Variants in LYZL6 observed in about 807,000 individuals in gnomAD.
The protein encoded by LYZL6 is lysozyme like 6, also known as lysozyme-like protein 6.
A neutral mutation model predicts 15.0 loss-of-function variants in LYZL6; 21 were observed. The observed-to-expected ratio is 1.40, with a 90% confidence interval of 1.00 to 2.02. The LOEUF (loss-of-function observed/expected upper bound fraction) is 2.02, where lower values mean the gene tolerates loss of function less well. Among genes scored for constraint, LYZL6 ranks in the 30% most tolerant of loss-of-function variants. The pLI is 0.00. For missense variants in LYZL6, 173 were observed against 180.5 expected, an observed-to-expected ratio of 0.96 and a Z score of 0.24; for synonymous variants, 72 against 67.8, an observed-to-expected ratio of 1.06 and a Z score of -0.31.
Position 35,934,830 on chromosome 17 carries a change from A to C in LYZL6, c.413T>G (p.Leu138Arg). ...GCGGCATCCTGTCAGCCAGTAGAAGAGTGGCCGGCCTGAACAGTGCAACCT... is the reference window on the plus strand; with the variant it reads ...GCGGCATCCTGTCAGCCAGTAGAAGCGTGGCCGGCCTGAACAGTGCAACCT... Reference protein sequence around the residue: ...EWRLHCSGRPLFYWLTGCRLR With the variant: ...EWRLHCSGRPRFYWLTGCRLR The change falls in exon 5 of 5, where the codon CTC (leucine) becomes CGC (arginine). Residue 138 changes from leucine to arginine, a missense_variant. Transcript: ENST00000615905. The C allele has an allele frequency of 1.2e-6, 2 of 1,614,208 alleles. No homozygotes were observed. Among genetic ancestry groups the C allele is most frequent in the Non-Finnish European group, 8.5e-7 (1 of 1,180,034 alleles).
intron 4 of LYZL6, 26 bp downstream of exon 4, chr17:35,936,729 G>T (rs574798807): frequency 3.7e-6 from 6 of 1,605,904 alleles, no homozygotes; most frequent in Non-Finnish European, 5.1e-6. Flanking sequence ...GGCTCTGCCC[G>T]CTGAGTCCCA....
At chr17:35,940,680 C>T (rs1230614939) in intron 1 of LYZL6, among the ~76,000 whole-genome samples, 1 of 152,174 alleles carries the variant, frequency 6.6e-6, no homozygotes, top group Non-Finnish European at 1.5e-5. Flanking sequence ...CATCCCCCAC[C>T]TCCCAACCCC....
chr17:35,939,425 T>C lies in LYZL6; in HGVS notation c.-69A>G. On this transcript the variant is annotated 5_prime_UTR_variant, in exon 2 of 5. Transcript: ENST00000615905. ...GGTCTTGCAGACTTTCTGCTGATCT[T>C]CTCTGAGAGCCTGGGGAATCTGGAG... The C allele has an allele frequency of 1.9e-5, 29 of 1,519,762 alleles. No individual in the cohort carries two copies. The highest frequency in any genetic ancestry group is 2.2e-5 in the Non-Finnish European group (25 of 1,114,010). 94.1% of individuals were successfully genotyped at this position (1,519,762 alleles called of 1,614,324 possible).
chr17:35,938,802 G>A (rs2089400188), intron 2 of LYZL6, among the ~76,000 whole-genome samples: 1 of 152,138 alleles, frequency 6.6e-6, no homozygotes, highest in Admixed American at 6.5e-5. Flanking sequence ...TGGGTGACCA[G>A]GTCCTTCATT....
At chr17:35,935,480 A>G (rs2089363652) in intron 4 of LYZL6, among the ~76,000 whole-genome samples, 1 of 151,652 alleles carries the variant, frequency 6.6e-6, no homozygotes, top group Non-Finnish European at 1.5e-5. Context: ...CAGTGGCGCG[A>G]TCTCAGCTCA....
Position 35,939,305 on chromosome 17 carries a change from G to A in LYZL6, c.52C>T (p.Gln18Ter), listed in dbSNP as rs2089405702. 1 of 1,614,152 alleles carries A rather than the reference G, an allele frequency of 6.2e-7. No homozygotes were observed. The highest frequency in any genetic ancestry group is 8.5e-7 in the Non-Finnish European group (1 of 1,180,004). The change falls in exon 2 of 5, where the codon CAG becomes TAG. Residue 18 changes from glutamine (Q) to a stop codon, truncating the protein, a stop_gained. Transcript: ENST00000615905. LOFTEE classifies it high-confidence loss of function. ...TCACAGCGACTGATGAGGCTGGCCT[G>A]ATTTAGGGCAAGAAAGCTGCTGACC... ...YLVSSFLALN[Q>*]ASLISRCDLA...
chr17:35,937,998 G>A (rs1249548724), intron 2 of LYZL6, 82 bp from the exon 3 acceptor site: 1 of 1,412,800 alleles, frequency 7.1e-7, no homozygotes, highest in Non-Finnish European at 9.7e-7. Flanking sequence ...GGGAGGCAAG[G>A]TTTCAGACAA....
At chr17:35,938,059 A>G (rs2089392322) in intron 2 of LYZL6, 143 bp from the exon 3 acceptor site, 2 of 714,832 alleles carry the variant, frequency 2.8e-6, no homozygotes, top group Non-Finnish European at 4.6e-6. Context: ...TGAAATCTCC[A>G]TTGACTTGCC....
chr17:35,939,457 G>T lies in LYZL6; in HGVS notation c.-101C>A, dbSNP rs904958903. The T allele has an allele frequency of 1.2e-5, 15 of 1,265,382 alleles. No homozygotes were observed. In the African/African-American group the frequency reaches 2.2e-4, roughly 19 times the overall value. The allele number at this position is 1,265,382 out of a possible 1,614,324, so 78.4% of individuals were successfully genotyped here. On this transcript the variant is annotated 5_prime_UTR_variant, in exon 2 of 5. It adds an upstream start codon to the 5' untranslated region. Transcript: ENST00000615905. Reference sequence around the variant, plus strand: ...GAGCCTGGGGAATCTGGAGAGGGCAGCCAGGTTTCCTTACTCACTCACTGC... The same window carrying T: ...GAGCCTGGGGAATCTGGAGAGGGCATCCAGGTTTCCTTACTCACTCACTGC...
At chr17:35,942,599 A>T (rs2089432001) in intron 1 of LYZL6, among the ~76,000 whole-genome samples, 1 of 152,204 alleles carries the variant, frequency 6.6e-6, no homozygotes, top group South Asian at 2.1e-4. Flanking sequence ...GCTCAAAGAT[A>T]GCTCCCTTTC....
chr17:35,935,554 T>C (rs2089364366), intron 4 of LYZL6, among the ~76,000 whole-genome samples: 1 of 151,450 alleles, frequency 6.6e-6, no homozygotes, highest in South Asian at 2.1e-4. Context: ...CAGCTTGCCT[T>C]AAGGAGCATG....
At chr17:35,940,316 A>T (rs1247115601) in intron 1 of LYZL6, among the ~76,000 whole-genome samples, 2 of 152,210 alleles carry the variant, frequency 1.3e-5, no homozygotes, top group African/African-American at 4.8e-5. Context: ...AAAGGGAACC[A>T]GGACTCTAGG....
At chr17:35,938,721 C>T (rs2089399505) in intron 2 of LYZL6, among the ~76,000 whole-genome samples, 1 of 151,706 alleles carries the variant, frequency 6.6e-6, no homozygotes, top group Non-Finnish European at 1.5e-5. Context: ...GGAGATATCC[C>T]TTCCATGCAG....
Position 35,939,414 on chromosome 17 carries a change from T to C in LYZL6, c.-58A>G. Reference sequence around the variant, plus strand: ...ATGGTTCTTAGGGTCTTGCAGACTTTCTGCTGATCTTCTCTGAGAGCCTGG... The same window carrying C: ...ATGGTTCTTAGGGTCTTGCAGACTTCCTGCTGATCTTCTCTGAGAGCCTGG... On this transcript the variant is annotated 5_prime_UTR_variant, in exon 2 of 5. Coordinates refer to ENST00000615905, the MANE Select transcript of LYZL6 (RefSeq NM_020426.4). 3.9e-6 allele frequency: 6 copies of C among 1,556,192 alleles called. No homozygotes were observed. The highest frequency in any genetic ancestry group is 4.4e-6 in the Non-Finnish European group (5 of 1,140,012).
chr17:35,941,122 T>A lies in LYZL6; in HGVS notation c.-202-1564A>T, dbSNP rs112874651. On this transcript the variant is annotated intron_variant, in intron 1 of 4. Coordinates refer to ENST00000615905, the MANE Select transcript of LYZL6 (RefSeq NM_020426.4). The stretch of plus-strand genomic sequence containing the variant: ...ATTTTGCATTCCCATCAGCAGTGTA[T>A]GAAGGTTCCAATTTCTCTACATCCT... Among the ~76,000 whole-genome samples the A allele has an allele frequency of 3.3e-3, 500 of 152,338 alleles. 5 individuals carry two copies. Among genetic ancestry groups the A allele is most frequent in the African/African-American group, 0.011 (476 of 41,574 alleles).
At chr17:35,935,701 A>C (rs1349142977) in intron 4 of LYZL6, among the ~76,000 whole-genome samples, 1 of 152,112 alleles carries the variant, frequency 6.6e-6, no homozygotes, top group Non-Finnish European at 1.5e-5. Flanking sequence ...TTTAGTAGAG[A>C]CAAAGTTTCA....
At chr17:35,941,726 G>T (rs888141054) in intron 1 of LYZL6, among the ~76,000 whole-genome samples, 1 of 152,096 alleles carries the variant, frequency 6.6e-6, no homozygotes, top group Admixed American at 6.6e-5. Flanking sequence ...ACAATAAAAG[G>T]CCAACCGATA....
intron 4 of LYZL6, 145 bp downstream of exon 4, chr17:35,936,610 T>G (rs997249449): frequency 1.5e-6 from 1 of 652,874 alleles, no homozygotes; most frequent in African/African-American, 1.8e-5. Context: ...AAGAACCAGA[T>G]CTCAGAGTTC....
chr17:35,942,832 A>C (rs2089433965), intron 1 of LYZL6, among the ~76,000 whole-genome samples: 1 of 152,198 alleles, frequency 6.6e-6, no homozygotes, highest in Non-Finnish European at 1.5e-5. Flanking sequence ...CTAAAAGCAG[A>C]ATCGATGGGT....
Sources: allele counts gnomAD v4.1 joint callset (sites outside exome capture counted in the v4.1 genomes callset), GRCh38; gene constraint gnomAD v4.1.1; transcripts MANE v1.5; gene names NCBI Gene and HGNC (gene_info 2026-07-23, HGNC 2026-07-21).